Variants in LRRC8C observed in about 807,000 individuals in gnomAD.
LRRC8C encodes leucine rich repeat containing 8 VRAC subunit C.
In LRRC8C, 20 loss-of-function variants were observed where a neutral mutation model predicts 55.3. The ratio of observed to expected loss-of-function variants is 0.36; its 90% CI spans 0.25 to 0.53. The LOEUF (loss-of-function observed/expected upper bound fraction) is 0.53. LRRC8C is among the 20% of genes least tolerant of loss of function. The pLI, the probability that LRRC8C is intolerant of heterozygous loss-of-function variation, is 0.92. For synonymous variants in LRRC8C, 376 were observed against 360.7 expected (o/e 1.04, Z -0.48); for missense variants, 659 against 951.4 (o/e 0.69, Z 4.04).
intron 2 of LRRC8C, among the ~76,000 whole-genome samples, chr1:89,696,838 C>T (rs1349649916): frequency 6.6e-6 from 1 of 152,052 alleles, no homozygotes; most frequent in Non-Finnish European, 1.5e-5. Context: ...GTCTTTTCTC[C>T]CCAGAGATCA....
intron 2 of LRRC8C, among the ~76,000 whole-genome samples, chr1:89,687,638 A>G (rs1657917394): frequency 6.6e-6 from 1 of 152,210 alleles, no homozygotes; most frequent in Non-Finnish European, 1.5e-5. Flanking sequence ...GACAGATGAA[A>G]ACCAGGAGAG....
the LRRC8C span, among the ~76,000 whole-genome samples, chr1:89,624,343 C>A: frequency 3.3e-5 from 5 of 152,152 alleles, no homozygotes; most frequent in Non-Finnish European, 5.9e-5. Context: ...ACTAGAGACC[C>A]ATAGAGAACT....
chr1:89,698,674 C>G (rs543953026), intron 2 of LRRC8C, among the ~76,000 whole-genome samples: 1 of 152,028 alleles, frequency 6.6e-6, no homozygotes, highest in African/African-American at 2.4e-5. Context: ...ATGCACTTAT[C>G]TCTTCAATCC....
chr1:89,616,343 A>G, the LRRC8C span, among the ~76,000 whole-genome samples: 1 of 152,172 alleles, frequency 6.6e-6, no homozygotes, highest in African/African-American at 2.4e-5. Context: ...GCCATCTACA[A>G]CTAGACAGAG....
At chr1:89,636,603 CCA>C (rs1175031071) in intron 1 of LRRC8C, among the ~76,000 whole-genome samples, 4 of 152,054 alleles carry the variant, frequency 2.6e-5, no homozygotes, top group African/African-American at 9.7e-5. Flanking sequence ...CATGACAATG[CCA>C]GTCTCTCCCC....
At position 89,657,906 on chromosome 1, in the gene LRRC8C, C is replaced by T. The variant is rs1411962866; in HGVS notation, c.-5+24584C>T. Among the ~76,000 whole-genome samples, 8 of 152,016 alleles carry T rather than the reference C, an allele frequency of 5.3e-5. No individual in the cohort carries two copies. The East Asian group carries it at 9.6e-4, about 18-fold the overall frequency. Reference sequence around the variant, plus strand: ...ATAAACAAAAACATAGTTGATAAGACGTGTCATTAATGTTAAGCAGCAGAT... The same window carrying T: ...ATAAACAAAAACATAGTTGATAAGATGTGTCATTAATGTTAAGCAGCAGAT... On this transcript the variant is annotated intron_variant, in intron 1 of 2. Coordinates refer to ENST00000370454, the MANE Select transcript of LRRC8C (RefSeq NM_032270.5).
rs182916634 is a variant in LRRC8C at position 89,664,750 on chromosome 1, C to T, written c.-4-21720C>T. 9.6e-4 allele frequency among the ~76,000 whole-genome samples: 146 copies of T among 152,248 alleles called. 1 individual carries two copies. The highest frequency in any genetic ancestry group is 3.2e-3 in the African/African-American group (134 of 41,544). ...ACTTTGGGCAGTATGGCCATTTTCACGATATTGATTCTTTCTATCCATGAG... is the reference window on the plus strand; with the variant it reads ...ACTTTGGGCAGTATGGCCATTTTCATGATATTGATTCTTTCTATCCATGAG... On this transcript the variant is annotated intron_variant, in intron 1 of 2. Coordinates refer to ENST00000370454, the MANE Select transcript of LRRC8C (RefSeq NM_032270.5).
At chr1:89,616,910 A>C in the LRRC8C span, among the ~76,000 whole-genome samples, 1 of 152,220 alleles carries the variant, frequency 6.6e-6, no homozygotes, top group African/African-American at 2.4e-5. Flanking sequence ...ATGTGTCTTC[A>C]TAAGCTTATG....
At chr1:89,667,058 T>C (rs1038086142) in intron 1 of LRRC8C, among the ~76,000 whole-genome samples, 1 of 152,092 alleles carries the variant, frequency 6.6e-6, no homozygotes, top group South Asian at 2.1e-4. Context: ...AAAAGGTGTC[T>C]CCAATAATGA....
chr1:89,620,369 T>G, the LRRC8C span, among the ~76,000 whole-genome samples: 1 of 152,044 alleles, frequency 6.6e-6, no homozygotes, highest in South Asian at 2.1e-4. Context: ...TGAGAAAAAC[T>G]TTATGAAGAT....
chr1:89,712,847 A>T lies in LRRC8C; in HGVS notation c.277A>T (p.Thr93Ser), dbSNP rs928111208. 1.2e-6 allele frequency: 2 copies of T among 1,613,944 alleles called. No individual in the cohort carries two copies. Among genetic ancestry groups the T allele is most frequent in the Non-Finnish European group, 1.7e-6 (2 of 1,180,022 alleles). Residue 93 changes from threonine to serine, a missense_variant, in exon 3 of 3, where the codon ACT becomes TCT. Around this residue, in one of 5 missense-constraint regions of LRRC8C, gnomAD observed 82 missense variants for 71.4 expected, o/e 1.15. Coordinates refer to ENST00000370454, the MANE Select transcript of LRRC8C (RefSeq NM_032270.5). Reference sequence around the variant, plus strand: ...TAAACCATCTCCTGCTAACCCCATCACTGTGGAAATGAAAGGCCTGAAGAC... The same window carrying T: ...TAAACCATCTCCTGCTAACCCCATCTCTGTGGAAATGAAAGGCCTGAAGAC... ...PPKPSPANPI[T>S]VEMKGLKTDL...
At chr1:89,700,652 G>A (rs1199766416) in intron 2 of LRRC8C, among the ~76,000 whole-genome samples, 1 of 152,184 alleles carries the variant, frequency 6.6e-6, no homozygotes, top group Non-Finnish European at 1.5e-5. Flanking sequence ...GGTCAACAGG[G>A]AAAACTTGGT....
At chr1:89,682,958 C>T (rs543952431) in intron 1 of LRRC8C, among the ~76,000 whole-genome samples, 1 of 152,246 alleles carries the variant, frequency 6.6e-6, no homozygotes, top group South Asian at 2.1e-4. Flanking sequence ...GAGTATGTGG[C>T]ATATATATCC....
At chr1:89,698,927 C>A (rs1658243033) in intron 2 of LRRC8C, among the ~76,000 whole-genome samples, 1 of 151,384 alleles carries the variant, frequency 6.6e-6, no homozygotes, top group South Asian at 2.1e-4. Context: ...AAATGTTAAG[C>A]ATCATCATCA....
At chr1:89,649,880 C>G (rs1656710412) in intron 1 of LRRC8C, among the ~76,000 whole-genome samples, 1 of 152,184 alleles carries the variant, frequency 6.6e-6, no homozygotes, top group African/African-American at 2.4e-5. Context: ...CCCCTCCTCT[C>G]TTTGTTTCAA....
the LRRC8C span, among the ~76,000 whole-genome samples, chr1:89,621,488 T>G: frequency 3.3e-5 from 5 of 151,986 alleles, no homozygotes; most frequent in East Asian, 7.7e-4. Flanking sequence ...CCTTTCCCCT[T>G]AAAGCACTCA....
At chr1:89,652,116 A>G (rs935771030) in intron 1 of LRRC8C, among the ~76,000 whole-genome samples, 5 of 152,218 alleles carry the variant, frequency 3.3e-5, no homozygotes, top group Admixed American at 3.3e-4. Context: ...GAAAAGTAAA[A>G]CTGTAGGAAT....
Position 89,659,064 on chromosome 1 carries a change from TGTGTG to T in LRRC8C, c.-5+25743_-5+25747del, listed in dbSNP as rs1557651841. Among the ~76,000 whole-genome samples the T allele has an allele frequency of 1.4e-3, 37 of 25,846 alleles. 3 individuals carry two copies. The highest frequency in any genetic ancestry group is 3.4e-3 in the South Asian group (3 of 882). 17.0% of individuals were successfully genotyped at this position (25,846 alleles called of 152,430 possible). ...CTTCTCCAGGTTTTTTTTTTTTTTGTGTGTGTGTGTGTGTGTGTGTGTGTGTGTGT... is the reference window on the plus strand; with the variant it reads ...CTTCTCCAGGTTTTTTTTTTTTTTGTTGTGTGTGTGTGTGTGTGTGTGTGT... On this transcript the variant is annotated intron_variant, in intron 1 of 2. Transcript: ENST00000370454.
At chr1:89,700,764 A>C (rs1399029177) in intron 2 of LRRC8C, among the ~76,000 whole-genome samples, 1 of 152,232 alleles carries the variant, frequency 6.6e-6, no homozygotes, top group African/African-American at 2.4e-5. Context: ...AGGATGAAGC[A>C]TAAACTTAAC....
Sources: gnomAD v4.1 joint callset for allele counts (sites outside exome capture counted in the v4.1 genomes callset) on GRCh38, gnomAD v4.1.1 for gene constraint, gnomAD v4.1.1 regional missense constraint, MANE v1.5 for transcripts, NCBI Gene and HGNC (gene_info 2026-07-23, HGNC 2026-07-21) for gene names.